Variants in C8orf34 observed in about 807,000 individuals in gnomAD.
C8orf34 encodes chromosome 8 open reading frame 34.
C8orf34 carries 65 observed loss-of-function variants against 68.3 expected under a neutral mutation model. The observed-to-expected ratio is 0.95, with a 90% CI of 0.78 to 1.17. C8orf34 has a LOEUF of 1.17. Ranked by LOEUF, C8orf34 falls within the 50% of genes most tolerant of loss-of-function variation. The pLI is 0.00. For missense variants in C8orf34, 664 were observed against 655.4 expected (o/e 1.01, Z -0.14); for synonymous variants, 244 against 241.2 (o/e 1.01, Z -0.11).
chr8:68,373,689 C>A (rs1322495011), intron 1 of C8orf34, among the ~76,000 whole-genome samples: 1 of 151,720 alleles, frequency 6.6e-6, no homozygotes, highest in African/African-American at 2.4e-5. Flanking sequence ...AGCATATGGC[C>A]AAAAAAATAA....
chr8:68,645,016 GGT>G lies in C8orf34; in HGVS notation c.1241+4507_1241+4508del, dbSNP rs572456479. 2.0e-3 allele frequency among the ~76,000 whole-genome samples: 310 copies of G among 152,276 alleles called. 3 individuals carry two copies. The highest frequency in any genetic ancestry group is 1.6e-3 in the Non-Finnish European group (112 of 68,026). ...AATATTGCAGGATTGGAGACAGTGT[GGT>G]GCAGATGAGTAAGACAGTTTAGGAT... On this transcript the variant is annotated intron_variant, in intron 8 of 13. Coordinates refer to ENST00000518698, the MANE Select transcript of C8orf34 (RefSeq NM_052958.4).
chr8:68,690,685 G>C (rs1390468065), intron 8 of C8orf34, among the ~76,000 whole-genome samples: 1 of 151,930 alleles, frequency 6.6e-6, no homozygotes, highest in Non-Finnish European at 1.5e-5. Flanking sequence ...TCAAAGTAGA[G>C]ACTAAATTTC....
chr8:68,608,172 T>C (rs954179957), intron 7 of C8orf34, among the ~76,000 whole-genome samples: 2 of 151,962 alleles, frequency 1.3e-5, no homozygotes, highest in African/African-American at 4.8e-5. Context: ...GTACTCTGTA[T>C]GTGGGAAAGA....
chr8:68,578,452 C>T (rs557732487), intron 7 of C8orf34, among the ~76,000 whole-genome samples: 2 of 152,006 alleles, frequency 1.3e-5, no homozygotes, highest in Admixed American at 1.3e-4. Context: ...TACACAAATT[C>T]TTTTAGATCA....
chr8:68,700,161 A>G (rs1025571296), intron 8 of C8orf34, among the ~76,000 whole-genome samples: 3 of 152,118 alleles, frequency 2.0e-5, no homozygotes, highest in African/African-American at 7.2e-5. Flanking sequence ...ACCCAAAAAC[A>G]AACAAACAAA....
chr8:68,700,030 C>T (rs1820943018), intron 8 of C8orf34, among the ~76,000 whole-genome samples: 1 of 152,092 alleles, frequency 6.6e-6, no homozygotes, highest in South Asian at 2.1e-4. Context: ...AATGTAAGGG[C>T]AGTCCTCTGC....
rs373900567 is a variant in C8orf34, at chr8:68,431,324, T to C, written c.328-8175T>C. On this transcript the variant is annotated intron_variant, in intron 1 of 13. Coordinates refer to ENST00000518698, the MANE Select transcript of C8orf34 (RefSeq NM_052958.4). ...AAAGGCTAAAATAAAGTAATTTTTA[T>C]TGAACTGAAAGACATTTTCTTTTTT... Among the ~76,000 whole-genome samples, 69 of 152,212 alleles carry C rather than the reference T, an allele frequency of 4.5e-4. 1 individual carries two copies. Among genetic ancestry groups the C allele is most frequent in the African/African-American group, 1.4e-3 (60 of 41,462 alleles).
rs1340301430 is a variant in C8orf34 at position 68,614,830 on chromosome 8, T to G, written c.1106-25546T>G. ...GTTTTTTCCAATTCTGTGAAGAAAGTCATTGGTAGCTTGATGGGGATGACA... is the reference window on the plus strand; with the variant it reads ...GTTTTTTCCAATTCTGTGAAGAAAGGCATTGGTAGCTTGATGGGGATGACA... On this transcript the variant is annotated intron_variant, in intron 7 of 13. Coordinates refer to ENST00000518698, the MANE Select transcript of C8orf34 (RefSeq NM_052958.4). Among the ~76,000 whole-genome samples the G allele has an allele frequency of 2.0e-5, 3 of 151,936 alleles. No individual in the cohort carries two copies. In the East Asian group the frequency reaches 5.8e-4, roughly 29 times the overall value.
chr8:68,700,031 A>C (rs1820943114), intron 8 of C8orf34, among the ~76,000 whole-genome samples: 1 of 152,120 alleles, frequency 6.6e-6, no homozygotes, highest in African/African-American at 2.4e-5. Context: ...ATGTAAGGGC[A>C]GTCCTCTGCT....
chr8:68,693,629 G>T lies in C8orf34; in HGVS notation c.1242-15365G>T, dbSNP rs76734063. ...ACTAAAAATAAATGCATAGGTACTG[G>T]TTTGATACCCAAAACATATTTTCAT... On this transcript the variant is annotated intron_variant, in intron 8 of 13. Transcript: ENST00000518698. 7.0e-3 allele frequency among the ~76,000 whole-genome samples: 1,059 copies of T among 152,144 alleles called. 16 individuals are homozygous for T. The highest frequency in any genetic ancestry group is 0.024 in the African/African-American group (1,005 of 41,536).
intron 6 of C8orf34, among the ~76,000 whole-genome samples, chr8:68,528,437 T>TA (rs1815105984): frequency 6.6e-6 from 1 of 152,246 alleles, no homozygotes; most frequent in Non-Finnish European, 1.5e-5. Context: ...ACCTTGTTCT[T>TA]AATTTTTCTC....
chr8:68,527,965 T>C (rs1480956684), intron 6 of C8orf34, among the ~76,000 whole-genome samples: 1 of 152,214 alleles, frequency 6.6e-6, no homozygotes, highest in Non-Finnish European at 1.5e-5. Context: ...CTTCCAGATC[T>C]TGCTGTCTCC....
At chr8:68,719,061 C>A (rs1312172451) in intron 9 of C8orf34, among the ~76,000 whole-genome samples, 1 of 152,068 alleles carries the variant, frequency 6.6e-6, no homozygotes, top group African/African-American at 2.4e-5. Context: ...ATAGCTTGCA[C>A]ATATATACTC....
At chr8:68,616,588 A>G (rs1054397162) in intron 7 of C8orf34, among the ~76,000 whole-genome samples, 9 of 152,156 alleles carry the variant, frequency 5.9e-5, no homozygotes, top group East Asian at 1.9e-4. Flanking sequence ...GTTTCCATGT[A>G]GTTGAGCAGT....
chr8:68,378,395 G>A (rs960285704), intron 1 of C8orf34, among the ~76,000 whole-genome samples: 1 of 152,070 alleles, frequency 6.6e-6, no homozygotes, highest in Non-Finnish European at 1.5e-5. Flanking sequence ...GCTCATTGCA[G>A]CCTTGGCCTC....
intron 7 of C8orf34, among the ~76,000 whole-genome samples, chr8:68,607,952 G>A (rs1051749908): frequency 5.3e-5 from 8 of 152,120 alleles, no homozygotes; most frequent in African/African-American, 1.7e-4. Context: ...GGAAGTCTGT[G>A]TGGTCAGAGA....
chr8:68,534,911 C>T, intron 7 of C8orf34: 1 of 985,296 alleles, frequency 1.0e-6, no homozygotes, highest in Non-Finnish European at 1.2e-6. Context: ...AACTAGTCCT[C>T]ATTAATTCTT....
chr8:68,584,193 T>C (rs1308538052), intron 7 of C8orf34, among the ~76,000 whole-genome samples: 1 of 152,132 alleles, frequency 6.6e-6, no homozygotes, highest in East Asian at 1.9e-4. Flanking sequence ...TTAGAATATC[T>C]GTCCCTAACT....
At chr8:68,449,832 A>G (rs552004766) in intron 3 of C8orf34, among the ~76,000 whole-genome samples, 143 of 152,182 alleles carry the variant, frequency 9.4e-4, no homozygotes, top group African/African-American at 3.1e-3. Context: ...ATCTTTAGCA[A>G]TTTCCTAAAA....
Sources: gnomAD v4.1 joint callset for allele counts (sites outside exome capture counted in the v4.1 genomes callset) on GRCh38, gnomAD v4.1.1 for gene constraint, MANE v1.5 for transcripts, NCBI Gene and HGNC (gene_info 2026-07-23, HGNC 2026-07-21) for gene names.